Variants in AGBL4 observed in about 807,000 individuals in gnomAD.
The protein encoded by AGBL4 is cytosolic carboxypeptidase 6.
Under a neutral mutation model 66.4 loss-of-function variants are expected in AGBL4, and 58 were observed. The ratio of observed to expected loss-of-function variants is 0.87; its 90% CI spans 0.71 to 1.09. The LOEUF (loss-of-function observed/expected upper bound fraction) is 1.09, where lower values mean the gene tolerates loss of function less well. Among genes scored for constraint, AGBL4 ranks in the 50% least tolerant of loss-of-function variants. The pLI, the probability that AGBL4 is intolerant of heterozygous loss-of-function variation, is 0.00. For synonymous variants in AGBL4, 234 were observed against 222.9 expected (o/e 1.05, Z -0.44); for missense variants, 579 against 631.0 (o/e 0.92, Z 0.88).
chr1:49,291,727 C>T lies in AGBL4; in HGVS notation c.283-45863G>A, dbSNP rs1181565255. The stretch of plus-strand genomic sequence containing the variant: ...AGGGTCATGGTAACGCTAGTGATGG[C>T]AGTGGTGGCCTGTCTGGAGTGGCTG... On this transcript the variant is annotated intron_variant, in intron 3 of 13. Coordinates refer to ENST00000371839, the MANE Select transcript of AGBL4 (RefSeq NM_032785.4). Among the ~76,000 whole-genome samples, 3 of 152,302 alleles carry T rather than the reference C, an allele frequency of 2.0e-5. No homozygotes were observed. In the East Asian group the frequency reaches 5.8e-4, roughly 29 times the overall value.
intron 11 of AGBL4, among the ~76,000 whole-genome samples, chr1:48,578,991 T>C (rs1644695434): frequency 6.6e-6 from 1 of 152,142 alleles, no homozygotes; most frequent in Admixed American, 6.5e-5. Context: ...TGTGACTTTA[T>C]AGTACCTCGT....
intron 4 of AGBL4, among the ~76,000 whole-genome samples, chr1:49,208,829 T>C (rs1429623560): frequency 6.6e-6 from 1 of 151,988 alleles, no homozygotes; most frequent in Non-Finnish European, 1.5e-5. Context: ...AAATTATTCG[T>C]GATATGTCAG....
At chr1:49,660,029 G>C (rs1404888312) in intron 3 of AGBL4, among the ~76,000 whole-genome samples, 1 of 151,970 alleles carries the variant, frequency 6.6e-6, no homozygotes, top group East Asian at 1.9e-4. Flanking sequence ...ACCATTCAGG[G>C]AATAGGCATA....
rs199615029 is a variant in AGBL4 at position 48,914,524 on chromosome 1, A to T, written c.595-47294T>A. Among the ~76,000 whole-genome samples the T allele has an allele frequency of 3.3e-5, 5 of 152,184 alleles. No individual in the cohort carries two copies. In the East Asian group the frequency reaches 9.6e-4, roughly 29 times the overall value. Reference sequence around the variant, plus strand: ...GAGGGGACATGGGGTTAAGAAAGTTATTTTTTGTTTTATTTTAATATGGAA... The same window carrying T: ...GAGGGGACATGGGGTTAAGAAAGTTTTTTTTTGTTTTATTTTAATATGGAA... On this transcript the variant is annotated intron_variant, in intron 5 of 13. Coordinates refer to ENST00000371839, the MANE Select transcript of AGBL4 (RefSeq NM_032785.4).
At chr1:48,570,583 T>C (rs1323428680) in intron 11 of AGBL4, among the ~76,000 whole-genome samples, 1 of 152,160 alleles carries the variant, frequency 6.6e-6, no homozygotes, top group Non-Finnish European at 1.5e-5. Flanking sequence ...GACTGCTTCA[T>C]AACGCTGCCA....
intron 3 of AGBL4, among the ~76,000 whole-genome samples, chr1:49,261,929 C>T (rs1186404273): frequency 1.0e-3 from 156 of 150,616 alleles, no homozygotes; most frequent in African/African-American, 3.6e-3. Context: ...GCTACAGTAA[C>T]CAAAACAGCA....
intron 6 of AGBL4, among the ~76,000 whole-genome samples, chr1:48,846,415 AAG>A (rs1165222278): frequency 1.4e-5 from 2 of 148,050 alleles, no homozygotes; most frequent in Non-Finnish European, 3.0e-5. Flanking sequence ...GAAAGAAAGA[AAG>A]AAAGAAATTC....
intron 6 of AGBL4, among the ~76,000 whole-genome samples, chr1:48,759,625 T>G (rs72681063): frequency 0.022 from 3,416 of 152,260 alleles, 65 homozygotes; most frequent in Non-Finnish European, 0.037. Context: ...CCACCCACAA[T>G]GCCTAGGCAG....
intron 4 of AGBL4, among the ~76,000 whole-genome samples, chr1:49,066,425 G>A (rs149619851): frequency 1.1e-3 from 174 of 152,256 alleles, no homozygotes; most frequent in Non-Finnish European, 2.1e-3. Context: ...GGTGGCACAC[G>A]CCTGTAGTCC....
chr1:49,190,691 C>G (rs1647101155), intron 4 of AGBL4, among the ~76,000 whole-genome samples: 1 of 152,156 alleles, frequency 6.6e-6, no homozygotes, highest in Admixed American at 6.5e-5. Context: ...AACTTCCCTT[C>G]CTCTCCCAGC....
At chr1:48,952,061 C>T (rs1657036628) in intron 5 of AGBL4, among the ~76,000 whole-genome samples, 2 of 152,132 alleles carry the variant, frequency 1.3e-5, no homozygotes, top group African/African-American at 4.8e-5. Flanking sequence ...TGTTTTGTAG[C>T]TTGTAAATGG....
intron 3 of AGBL4, chr1:49,472,095 A>C (rs993942654): frequency 1.3e-5 from 2 of 152,064 alleles, no homozygotes; most frequent in African/African-American, 4.8e-5. Flanking sequence ...GCCCAGCAGT[A>C]ACAAGGGACC....
intron 3 of AGBL4, among the ~76,000 whole-genome samples, chr1:49,325,981 A>G (rs1464137041): frequency 6.6e-6 from 1 of 152,140 alleles, no homozygotes; most frequent in Non-Finnish European, 1.5e-5. Context: ...AGGAGCTGCT[A>G]TGCTTCCTGT....
At chr1:48,659,465 A>G (rs944028885) in intron 7 of AGBL4, among the ~76,000 whole-genome samples, 3 of 152,218 alleles carry the variant, frequency 2.0e-5, no homozygotes, top group South Asian at 2.1e-4. Context: ...CATTAATTCA[A>G]TGATAAAGGG....
At chr1:49,058,681 G>C (rs539362953) in intron 4 of AGBL4, among the ~76,000 whole-genome samples, 2 of 152,354 alleles carry the variant, frequency 1.3e-5, no homozygotes, top group South Asian at 4.1e-4. Flanking sequence ...CTCAGAAGAA[G>C]ACAGGAAAAT....
intron 3 of AGBL4, among the ~76,000 whole-genome samples, chr1:49,416,579 G>A (rs1404091671): frequency 6.6e-6 from 1 of 152,124 alleles, no homozygotes; most frequent in Non-Finnish European, 1.5e-5. Flanking sequence ...TAAGAGTTTA[G>A]GCTGTGGAGT....
intron 5 of AGBL4, among the ~76,000 whole-genome samples, chr1:48,938,008 A>G (rs933347715): frequency 3.9e-5 from 6 of 152,164 alleles, no homozygotes; most frequent in African/African-American, 1.4e-4. Context: ...CTGAGTCTCA[A>G]TTTCCTCATT....
At chr1:49,287,069 A>G (rs2148417783) in intron 3 of AGBL4, among the ~76,000 whole-genome samples, 1 of 148,084 alleles carries the variant, frequency 6.8e-6, no homozygotes, top group East Asian at 2.0e-4. Context: ...CATATCTACA[A>G]CTATCTGATC....
intron 7 of AGBL4, among the ~76,000 whole-genome samples, chr1:48,660,928 T>G (rs774559996): frequency 6.6e-6 from 1 of 152,140 alleles, no homozygotes; most frequent in Non-Finnish European, 1.5e-5. Flanking sequence ...GGGAGTTAGC[T>G]AGACCTAGGT....
Sources: gnomAD v4.1 joint callset for allele counts (sites outside exome capture counted in the v4.1 genomes callset) on GRCh38, gnomAD v4.1.1 for gene constraint, MANE v1.5 for transcripts, NCBI Gene and HGNC (gene_info 2026-07-23, HGNC 2026-07-21) for gene names.